Variants in AFF4 observed in about 807,000 individuals in gnomAD.
AFF4 encodes the protein ALF transcription elongation factor 4, also known as AF4/FMR2 family member 4.
A neutral mutation model predicts 124.8 loss-of-function variants in AFF4; 13 were observed. That is an observed-to-expected ratio of 0.10 (90% CI 0.07 to 0.17). AFF4 has a LOEUF of 0.17. Ranked by LOEUF, AFF4 falls within the 10% of genes least tolerant of loss-of-function variation. The pLI, the probability that AFF4 is intolerant of heterozygous loss-of-function variation, is 1.00. For missense variants in AFF4, 1,092 were observed against 1,403.8 expected (o/e 0.78, Z 3.55); for synonymous variants, 477 against 496.1 (o/e 0.96, Z 0.51).
rs1021340211 is a variant in AFF4 at position 132,876,204 on chromosome 5, C to T, written c.*4855G>A. ...GTTCTGTTGGTGAGCCCCCTACCCC[C>T]ACCCCACCCATCCCAGTACTGTTGA... On this transcript the variant is annotated 3_prime_UTR_variant, in exon 21 of 21. Coordinates refer to ENST00000265343, the MANE Select transcript of AFF4 (RefSeq NM_014423.4). The T allele has an allele frequency of 4.5e-6, 1 of 222,288 alleles. No homozygotes were observed. The highest frequency in any genetic ancestry group is 9.0e-6 in the Non-Finnish European group (1 of 111,172). 13.8% of individuals were successfully genotyped at this position (222,288 alleles called of 1,614,324 possible).
At chr5:132,910,332 T>A (rs995896370) in intron 5 of AFF4, among the ~76,000 whole-genome samples, 1 of 152,210 alleles carries the variant, frequency 6.6e-6, no homozygotes, top group South Asian at 2.1e-4. Context: ...GCCTGTGAAC[T>A]GCTCTTTCAG....
At chr5:132,891,135 A>C (rs1448678833) in intron 13 of AFF4, among the ~76,000 whole-genome samples, 1 of 152,092 alleles carries the variant, frequency 6.6e-6, no homozygotes, top group Non-Finnish European at 1.5e-5. Flanking sequence ...ATCAGCAGGC[A>C]GATGGAGAAC....
chr5:132,889,797 C>T (rs959047013), intron 13 of AFF4, among the ~76,000 whole-genome samples: 2 of 151,956 alleles, frequency 1.3e-5, no homozygotes, highest in African/African-American at 2.4e-5. Flanking sequence ...CTCTCATCCA[C>T]ATGTCTTTTT....
At chr5:132,910,696 T>A (rs995668860) in intron 5 of AFF4, among the ~76,000 whole-genome samples, 11 of 152,176 alleles carry the variant, frequency 7.2e-5, no homozygotes, top group African/African-American at 2.4e-4. Flanking sequence ...AACACCAAAA[T>A]CTAAACACTG....
intron 2 of AFF4, 56 bp downstream of exon 2, chr5:132,937,011 T>TA: frequency 6.4e-7 from 1 of 1,553,568 alleles, no homozygotes. Context: ...TGAAACATTT[T>TA]AAAAGCAAAA....
intron 13 of AFF4, among the ~76,000 whole-genome samples, chr5:132,890,429 TG>T (rs1182364934): frequency 2.0e-5 from 3 of 152,030 alleles, no homozygotes; most frequent in African/African-American, 7.2e-5. Flanking sequence ...CCACCATGCC[TG>T]GCCCCCTCTA....
chr5:132,934,884 C>G lies in AFF4; in HGVS notation c.181G>C (p.Glu61Gln), dbSNP rs1009650635. The G allele has an allele frequency of 1.2e-6, 2 of 1,613,834 alleles. No individual in the cohort carries two copies. Reference sequence around the variant, plus strand: ...CTGTCTCCTATGAAATCCTTCATTTCATCGTAGTTTCCAAGCATACTCTGA... The same window carrying G: ...CTGTCTCCTATGAAATCCTTCATTTGATCGTAGTTTCCAAGCATACTCTGA... ...RIQSMLGNYD[E>Q]MKDFIGDRSI... Residue 61 changes from glutamate to glutamine, a missense_variant, in exon 3 of 21, where the codon GAA (glutamate) becomes CAA (glutamine). Glu to Gln is a conservative substitution (Grantham distance 29). Transcript: ENST00000265343.
intron 11 of AFF4, among the ~76,000 whole-genome samples, chr5:132,895,970 T>C (rs1561484011): frequency 6.6e-6 from 1 of 152,214 alleles, no homozygotes. Context: ...ATTATAACAA[T>C]ACGGGGAGTA....
chr5:132,963,543 C>A lies in AFF4; in HGVS notation c.-289G>T. 2 of 398,128 alleles carry A rather than the reference C, an allele frequency of 5.0e-6. No homozygotes were observed. The highest frequency in any genetic ancestry group is 8.9e-6 in the Non-Finnish European group (2 of 225,782). The allele number at this position is 398,128 out of a possible 1,614,324, so 24.7% of individuals were successfully genotyped here. A position where few individuals can be genotyped will look rare whatever the true frequency, so the allele number is the denominator to read the frequency against. On this transcript the variant is annotated 5_prime_UTR_variant, in exon 1 of 21. Transcript: ENST00000265343. The stretch of plus-strand genomic sequence containing the variant: ...GGACAGCTGACTGAGGCGGCGGGGG[C>A]GGGTTAACGAAGACCTGGCACCAGG...
chr5:132,898,621 C>A lies in AFF4; in HGVS notation c.1227-229G>T, dbSNP rs549292061. On this transcript the variant is annotated intron_variant, in intron 9 of 20. Transcript: ENST00000265343. ...GTCTCAGCCTCCCAAGTAGCTGGGA[C>A]TACAGGCGTCCACCACCACGCCCGG... Among the ~76,000 whole-genome samples, 149 of 152,034 alleles carry A rather than the reference C, an allele frequency of 9.8e-4. 1 individual carries two copies. Among genetic ancestry groups the A allele is most frequent in the African/African-American group, 3.5e-3 (145 of 41,488 alleles).
chr5:132,924,787 G>A (rs529178690), intron 5 of AFF4, among the ~76,000 whole-genome samples: 51 of 151,870 alleles, frequency 3.4e-4, no homozygotes, highest in African/African-American at 1.1e-3. Context: ...CCCAGGAGGC[G>A]GAGGTTGCAG....
chr5:132,934,657 G>A lies in AFF4; in HGVS notation c.408C>T (p.Thr136=), dbSNP rs779895268. Residue 136 remains threonine, a synonymous_variant, in exon 3 of 21, where the codon ACC becomes ACT. Transcript: ENST00000265343. The part of the protein sequence containing the change: ...GLQSGHSSQR[T]SAGSSSGTNS... Reference sequence around the variant, plus strand: ...TAGTGCCACTACTGCTACCTGCGCTGGTCCGCTGGCTACTATGTCCACTCT... The same window carrying A: ...TAGTGCCACTACTGCTACCTGCGCTAGTCCGCTGGCTACTATGTCCACTCT... 4 of 1,613,986 alleles carry A rather than the reference G, an allele frequency of 2.5e-6. No individual in the cohort carries two copies. The highest frequency in any genetic ancestry group is 4.5e-5 in the East Asian group (2 of 44,886).
At chr5:132,887,619 G>T in intron 16 of AFF4, 27 bp from the exon 17 acceptor site, 1 of 1,585,456 alleles carries the variant, frequency 6.3e-7, no homozygotes, top group Non-Finnish European at 8.7e-7. Flanking sequence ...ACAAACAAAT[G>T]ACAAACAGAA....
intron 5 of AFF4, among the ~76,000 whole-genome samples, chr5:132,905,449 A>G (rs1340378777): frequency 1.3e-5 from 2 of 152,278 alleles, no homozygotes; most frequent in Non-Finnish European, 2.9e-5. Flanking sequence ...TTGTCTGTGA[A>G]AGAACAATCC....
intron 5 of AFF4, among the ~76,000 whole-genome samples, chr5:132,925,758 G>A (rs1449675391): frequency 6.6e-6 from 1 of 152,202 alleles, no homozygotes; most frequent in Non-Finnish European, 1.5e-5. Flanking sequence ...TCAAATGGTG[G>A]TGTGCATGTG....
intron 1 of AFF4, among the ~76,000 whole-genome samples, chr5:132,949,575 G>A (rs1005390474): frequency 3.3e-5 from 5 of 152,054 alleles, no homozygotes; most frequent in African/African-American, 1.2e-4. Flanking sequence ...ACTTTGGGAG[G>A]CTGAGGCGGG....
chr5:132,897,314 AAAG>A, intron 10 of AFF4, 74 bp from the exon 11 acceptor site: 2 of 1,491,658 alleles, frequency 1.3e-6, no homozygotes, highest in Non-Finnish European at 1.8e-6. Flanking sequence ...TTACAACCTC[AAAG>A]AAGAGGAAAA....
intron 1 of AFF4, among the ~76,000 whole-genome samples, chr5:132,938,983 A>G (rs1197207378): frequency 6.7e-6 from 1 of 148,912 alleles, no homozygotes; most frequent in East Asian, 2.0e-4. Context: ...ATGTTTAGAA[A>G]AAAAAAAAAA....
In AFF4 at chr5:132,934,826, G is replaced by A. The variant is rs1391355644; in HGVS notation, c.239C>T (p.Pro80Leu). ...TTCATCTGCTGATGGTGGTACTGTA[G>A]GCTTGGGAATTGCAACAAGCTTTGG... ...SIPKLVAIPK[P>L]TVPPSADEKS... The change falls in exon 3 of 21, where the codon CCT (proline) becomes CTT (leucine). Residue 80 changes from proline (P) to leucine (L), a missense_variant. This residue lies in a region of AFF4 where 35 missense variants were observed against 70.9 expected (regional missense o/e 0.49). Coordinates refer to ENST00000265343, the MANE Select transcript of AFF4 (RefSeq NM_014423.4). 1 of 1,614,078 alleles carries A rather than the reference G, an allele frequency of 6.2e-7. No homozygotes were observed.
Sources: gnomAD v4.1 joint callset for allele counts (sites outside exome capture counted in the v4.1 genomes callset) on GRCh38, gnomAD v4.1.1 for gene constraint, gnomAD v4.1.1 regional missense constraint, MANE v1.5 for transcripts, NCBI Gene and HGNC (gene_info 2026-07-23, HGNC 2026-07-21) for gene names.